Variants in NIT1 observed in about 807,000 individuals in gnomAD.
The protein encoded by NIT1 is deaminated glutathione amidase.
NIT1 carries 30 observed loss-of-function variants against 36.8 expected under a neutral mutation model. That is an observed-to-expected ratio of 0.82 (90% confidence interval 0.61 to 1.11). The LOEUF is 1.11. Among genes scored for constraint, NIT1 ranks in the 50% least tolerant of loss-of-function variants. NIT1 has a pLI of 0.00. For synonymous variants in NIT1, 151 were observed against 155.6 expected (o/e 0.97, Z 0.22); for missense variants, 438 against 410.6 (o/e 1.07, Z -0.58).
chr1:161,123,075 C>T, downstream of NIT1: 3 of 1,614,224 alleles, frequency 1.9e-6, no homozygotes, highest in Non-Finnish European at 2.5e-6. Flanking sequence ...ACTTCCTCAC[C>T]ACATGTCTGC....
At chr1:161,119,686 C>T in intron 4 of NIT1, 74 bp downstream of exon 4, 5 of 1,582,638 alleles carry the variant, frequency 3.2e-6, no homozygotes, top group Non-Finnish European at 2.6e-6. Context: ...TGTTTCTCAA[C>T]TCTTATTTCC....
Position 161,119,935 on chromosome 1 carries a change from A to G in NIT1, c.574A>G (p.Ser192Gly). The G allele has an allele frequency of 5.0e-6, 8 of 1,610,930 alleles. No homozygotes were observed. The highest frequency in any genetic ancestry group is 6.8e-6 in the Non-Finnish European group (8 of 1,178,878). Residue 192 changes from serine to glycine, a missense_variant, in exon 5 of 7, where the codon AGC becomes GGC. Physicochemically the swap from Ser to Gly is moderately conservative, Grantham distance 56. Coordinates refer to ENST00000368009, the MANE Select transcript of NIT1 (RefSeq NM_005600.3). The stretch of plus-strand genomic sequence containing the variant: ...TGGGCCCAGTCTTGAGTCACCTGTC[A>G]GCACACCAGCAGGCAAGGTAGGAGT... Reference protein sequence around the residue: ...MPGPSLESPVSTPAGKIGLAV... With the variant: ...MPGPSLESPVGTPAGKIGLAV...
chr1:161,122,342 G>A (rs1343229919), downstream of NIT1: 1 of 1,614,192 alleles, frequency 6.2e-7, no homozygotes, highest in East Asian at 2.2e-5. The surrounding 1 kb of genome is among the most constrained non-coding windows in gnomAD (Gnocchi z 4.2). Context: ...CATCGAGGTA[G>A]GTGAGCTCAG....
At chr1:161,121,208 C>A, downstream of NIT1, 1 of 1,003,060 alleles carries the variant, frequency 1.0e-6, no homozygotes, top group Non-Finnish European at 1.2e-6. Context: ...CATGTCCCAG[C>A]CCCATTCTCC....
chr1:161,118,313 G>T (rs1655052235), intron 1 of NIT1, 135 bp downstream of exon 1: 14 of 1,549,010 alleles, frequency 9.0e-6, no homozygotes, highest in Non-Finnish European at 1.2e-5. Flanking sequence ...AGGGTGGAGG[G>T]CGGGGCGCGG....
chr1:161,120,079 C>T (rs1487704814), intron 5 of NIT1, 28 bp from the exon 6 acceptor site: 8 of 1,613,898 alleles, frequency 5.0e-6, no homozygotes, highest in Non-Finnish European at 5.9e-6. Flanking sequence ...AGCAGGAAGA[C>T]TACTAAGTAG....
chr1:161,124,079 C>T (rs1285567031), downstream of NIT1: 8 of 1,582,186 alleles, frequency 5.1e-6, no homozygotes, highest in Non-Finnish European at 6.9e-6. Context: ...GACGCCTATG[C>T]TGCTCCTTCC....
At chr1:161,118,989 GC>G in intron 2 of NIT1, 108 bp downstream of exon 2, 1 of 1,315,462 alleles carries the variant, frequency 7.6e-7, no homozygotes, top group Non-Finnish European at 1.1e-6. Context: ...TGATTGGTGA[GC>G]CCTACTAGCC....
chr1:161,119,980 G>C, intron 5 of NIT1, 28 bp downstream of exon 5: 2 of 1,603,446 alleles, frequency 1.2e-6, no homozygotes, highest in Non-Finnish European at 8.5e-7. Flanking sequence ...ATGAGGGAGG[G>C]GAACAGGAAT....
rs1328787338 is a variant in NIT1 at position 161,120,209 on chromosome 1, A to C, written c.694A>C (p.Ile232Leu). ...TACCTATCCTTCAGCTTTTGGATCC[A>C]TTACAGGCCCAGCCCACTGGGAGGT... The part of the protein sequence containing the change: ...ILTYPSAFGS[I>L]TGPAHWEVLL... Residue 232 changes from isoleucine (I) to leucine (L), a missense_variant, in exon 6 of 7, where the codon ATT becomes CTT. Transcript: ENST00000368009. 6.2e-7 allele frequency: 1 copy of C among 1,614,120 alleles called. No homozygotes were observed. Among genetic ancestry groups the C allele is most frequent in the Admixed American group, 1.7e-5 (1 of 60,032 alleles).
At chr1:161,120,005 G>A (rs1655270545) in intron 5 of NIT1, 53 bp downstream of exon 5, 1 of 1,604,988 alleles carries the variant, frequency 6.2e-7, no homozygotes, top group East Asian at 2.2e-5. Flanking sequence ...TGAACTGGCA[G>A]TAGAGGATAG....
At chr1:161,121,480 G>A (rs189955919), downstream of NIT1, 2 of 153,538 alleles carry the variant, frequency 1.3e-5, no homozygotes, top group Admixed American at 6.4e-5. Context: ...CAGTTGGGAG[G>A]CATGACTAGG....
At chr1:161,122,790 T>C (rs897617030), downstream of NIT1, among the ~76,000 whole-genome samples, 3 of 152,210 alleles carry the variant, frequency 2.0e-5, no homozygotes, top group African/African-American at 7.2e-5. This position sits in a 1 kb window ranked among gnomAD's most constrained non-coding sequence, Gnocchi z 4.2. Context: ...TTTTCCTAAT[T>C]ACCAGGCATA....
At chr1:161,122,140 G>C (rs371313005), downstream of NIT1, 2 of 1,612,092 alleles carry the variant, frequency 1.2e-6, no homozygotes, top group African/African-American at 2.7e-5. The surrounding 1 kb of genome is among the most constrained non-coding windows in gnomAD (Gnocchi z 4.2). Flanking sequence ...TGAGAAGAGG[G>C]AATAGGTCAG....
rs1176903525 is a variant in NIT1, at chr1:161,119,349, T to C, written c.314T>C (p.Leu105Pro). ...PAETLHLSEP[L>P]GGKLLEEYTQ... ...GAGACGCTACACCTGTCTGAACCAC[T>C]GGGTGGGAAACTTTTGGAAGAATAC... The change falls in exon 3 of 7, where the codon CTG (leucine) becomes CCG (proline). Residue 105 changes from leucine (L) to proline (P), a missense_variant. Physicochemically the swap from Leu to Pro is moderately conservative, Grantham distance 98 (BLOSUM62 -3). Transcript: ENST00000368009. The C allele has an allele frequency of 1.2e-6, 2 of 1,614,202 alleles. No homozygotes were observed. The highest frequency in any genetic ancestry group is 1.1e-5 in the South Asian group (1 of 91,092).
At chr1:161,122,542 A>G (rs1032636023), downstream of NIT1, 5 of 1,609,980 alleles carry the variant, frequency 3.1e-6, no homozygotes, top group Non-Finnish European at 4.2e-6. This position sits in a 1 kb window ranked among gnomAD's most constrained non-coding sequence, Gnocchi z 4.2. Flanking sequence ...AACAGAAGAT[A>G]CAGAGCAGAA....
chr1:161,122,011 TTGTC>T (rs1443841235), downstream of NIT1: 8 of 1,221,118 alleles, frequency 6.6e-6, no homozygotes, highest in Non-Finnish European at 9.0e-6. The surrounding 1 kb of genome is among the most constrained non-coding windows in gnomAD (Gnocchi z 4.2). Flanking sequence ...CCACTTTCTT[TTGTC>T]TTTTTCTTTA....
At chr1:161,124,704 G>A, downstream of NIT1, 1 of 795,108 alleles carries the variant, frequency 1.3e-6, no homozygotes, top group Non-Finnish European at 1.7e-6. Context: ...GCTCACACCT[G>A]TAATCCCAGC....
chr1:161,122,938 CA>C, downstream of NIT1: 3 of 1,551,746 alleles, frequency 1.9e-6, no homozygotes, highest in Non-Finnish European at 2.7e-6. This position sits in a 1 kb window ranked among gnomAD's most constrained non-coding sequence, Gnocchi z 4.2. Context: ...CACCAGACAC[CA>C]AACCATTCAG....
Sources: gnomAD v4.1 joint callset for allele counts (sites outside exome capture counted in the v4.1 genomes callset) on GRCh38, gnomAD v4.1.1 for gene constraint, Gnocchi (gnomAD v3.1) non-coding constraint, MANE v1.5 for transcripts, NCBI Gene and HGNC (gene_info 2026-07-23, HGNC 2026-07-21) for gene names.